SYNE1: variants seen among roughly 807,000 people sequenced by gnomAD.
SYNE1 encodes nesprin-1.
Under a neutral mutation model 1,111.0 loss-of-function variants are expected in SYNE1, and 616 were observed. That is an observed-to-expected ratio of 0.55 (90% CI 0.52 to 0.59). The LOEUF (loss-of-function observed/expected upper bound fraction) is 0.59, where lower values mean the gene tolerates loss of function less well. SYNE1 is among the 20% of genes least tolerant of loss of function. SYNE1 has a pLI of 0.00. For missense variants in SYNE1, 10,006 were observed against 10,417.0 expected, an observed-to-expected ratio of 0.96 and a Z score of 1.72; for synonymous variants, 3,855 against 3,825.8, an observed-to-expected ratio of 1.01 and a Z score of -0.28.
At chr6:152,282,423 C>T (rs1052964152) in intron 96 of SYNE1, among the ~76,000 whole-genome samples, 2 of 152,132 alleles carry the variant, frequency 1.3e-5, no homozygotes, top group African/African-American at 4.8e-5. Context: ...CAGCCACATA[C>T]AGTTTCAGGC....
intron 66 of SYNE1, among the ~76,000 whole-genome samples, chr6:152,355,371 C>G (rs565984595): frequency 1.3e-5 from 2 of 152,166 alleles, no homozygotes; most frequent in Non-Finnish European, 2.9e-5. Context: ...TAGCTCAGTG[C>G]TACATTTGTG....
chr6:152,145,528 G>A, intron 137 of SYNE1: 1 of 1,614,068 alleles, frequency 6.2e-7, no homozygotes. Flanking sequence ...TTTTACATAG[G>A]CCTCAGGGCT....
intron 65 of SYNE1, 67 bp from the exon 66 acceptor site, chr6:152,358,604 A>G (rs2096879504): frequency 6.5e-7 from 1 of 1,534,532 alleles, no homozygotes; most frequent in Non-Finnish European, 9.0e-7. Context: ...GTGTGCTGTA[A>G]TTCACTTTTG....
chr6:152,242,512 G>T, intron 106 of SYNE1, 72 bp from the exon 107 acceptor site: 1 of 1,564,552 alleles, frequency 6.4e-7, no homozygotes, highest in South Asian at 1.1e-5. Flanking sequence ...TATGAACTAT[G>T]AACGCACCAA....
At chr6:152,495,010 C>T (rs556627403) in intron 11 of SYNE1, among the ~76,000 whole-genome samples, 2 of 152,306 alleles carry the variant, frequency 1.3e-5, no homozygotes, top group East Asian at 1.9e-4. Flanking sequence ...AAGGAAAATT[C>T]CTCCTTCCAG....
At chr6:152,562,200 A>T (rs951068029) in intron 3 of SYNE1, among the ~76,000 whole-genome samples, 1 of 152,166 alleles carries the variant, frequency 6.6e-6, no homozygotes, top group African/African-American at 2.4e-5. Context: ...AGAAACTCAA[A>T]AACTAAATAG....
intron 28 of SYNE1, among the ~76,000 whole-genome samples, chr6:152,448,057 T>A (rs1267176629): frequency 6.6e-6 from 1 of 152,174 alleles, no homozygotes; most frequent in Non-Finnish European, 1.5e-5. Context: ...TATTGAAGAG[T>A]CTACTTGTTG....
intron 125 of SYNE1, among the ~76,000 whole-genome samples, chr6:152,206,864 G>A (rs775760127): frequency 2.0e-5 from 3 of 152,180 alleles, no homozygotes; most frequent in Non-Finnish European, 4.4e-5. Context: ...TGGCTGGAGT[G>A]TGGATGGCAT....
At chr6:152,353,852 T>G in intron 67 of SYNE1, 108 bp from the exon 68 acceptor site, 1 of 1,401,212 alleles carries the variant, frequency 7.1e-7, no homozygotes, top group Non-Finnish European at 1.0e-6. Context: ...AGAAGATGTT[T>G]ATTTTGAGAT....
At chr6:152,466,920 G>A (rs77980766) in intron 16 of SYNE1, among the ~76,000 whole-genome samples, 1,930 of 152,004 alleles carry the variant, frequency 0.013, 18 homozygotes, top group Non-Finnish European at 0.021. Context: ...TAAATGTCAC[G>A]GTCATAAATA....
intron 126 of SYNE1, among the ~76,000 whole-genome samples, chr6:152,205,604 G>T (rs186236238): frequency 6.6e-6 from 1 of 152,324 alleles, no homozygotes; most frequent in East Asian, 1.9e-4. Context: ...AGAGAGAAAA[G>T]CATATTGTGG....
At chr6:152,414,009 CTTT>C (rs5880975) in intron 41 of SYNE1, among the ~76,000 whole-genome samples, 23,456 of 139,666 alleles carry the variant, frequency 0.17, 1,974 homozygotes, top group East Asian at 0.36. Flanking sequence ...TATATATATA[CTTT>C]TTTTTTTTAA....
chr6:152,499,602 T>G (rs1233150973), intron 10 of SYNE1, among the ~76,000 whole-genome samples: 13 of 152,144 alleles, frequency 8.5e-5, no homozygotes, highest in Admixed American at 8.5e-4. Flanking sequence ...CTAATACGCA[T>G]AGTTTACAAA....
intron 89 of SYNE1, 151 bp downstream of exon 89, chr6:152,310,245 C>A (rs1417997595): frequency 2.4e-6 from 3 of 1,255,500 alleles, no homozygotes; most frequent in Non-Finnish European, 3.3e-6. Context: ...AGTTCGAGAC[C>A]AGCCTGGCCA....
intron 39 of SYNE1, among the ~76,000 whole-genome samples, chr6:152,422,306 A>C (rs1043551264): frequency 6.6e-6 from 1 of 152,180 alleles, no homozygotes; most frequent in South Asian, 2.1e-4. Context: ...GTTTGCCTGC[A>C]TCATATGTAG....
intron 126 of SYNE1, 44 bp from the exon 127 acceptor site, chr6:152,201,993 A>G (rs781162876): frequency 2.5e-6 from 4 of 1,608,696 alleles, no homozygotes; most frequent in African/African-American, 1.3e-5. Context: ...TTTTTGATGT[A>G]GGAAACTGGG....
rs1329904940 is a variant in SYNE1, at chr6:152,628,290, G to A, written c.42C>T (p.Ile14=). The A allele has an allele frequency of 2.1e-5, 34 of 1,613,912 alleles. No individual in the cohort carries two copies. Among genetic ancestry groups the A allele is most frequent in the East Asian group, 4.5e-5 (2 of 44,880 alleles). The change falls in exon 3 of 146, where the codon ATC becomes ATT. Residue 14 remains isoleucine, a synonymous_variant. Coordinates refer to ENST00000367255, the MANE Select transcript of SYNE1 (RefSeq NM_182961.4). ...SRGASRCPRD[I]ANVMQRLQDE... is the part of the protein sequence containing the mutation. Reference sequence around the variant, plus strand: ...CTTGCAGCCTCTGCATCACATTGGCGATATCCCGAGGACACCGGGAGGCCC... The same window carrying A: ...CTTGCAGCCTCTGCATCACATTGGCAATATCCCGAGGACACCGGGAGGCCC...
At chr6:152,151,529 G>A (rs1452668546) in intron 135 of SYNE1, 24 bp downstream of exon 135, 2 of 1,613,216 alleles carry the variant, frequency 1.2e-6, no homozygotes, top group Middle Eastern at 1.7e-4. Context: ...CTTCACTTTG[G>A]TAACTTGAAA....
At chr6:152,462,485 T>C in intron 20 of SYNE1, 1 of 588,490 alleles carries the variant, frequency 1.7e-6, no homozygotes, top group Admixed American at 3.1e-5. Flanking sequence ...TTTTTCCTAA[T>C]ACTTTTTAAC....
Sources: gnomAD v4.1 joint callset for allele counts (sites outside exome capture counted in the v4.1 genomes callset) on GRCh38, gnomAD v4.1.1 for gene constraint, MANE v1.5 for transcripts, NCBI Gene and HGNC (gene_info 2026-07-23, HGNC 2026-07-21) for gene names.